Variants in C15orf40 observed in about 807,000 individuals in gnomAD.
The protein encoded by C15orf40 is chromosome 15 open reading frame 40.
C15orf40 carries 9 observed loss-of-function variants against 13.9 expected under a neutral mutation model. The ratio of observed to expected loss-of-function variants is 0.65; its 90% confidence interval spans 0.39 to 1.13. The LOEUF (loss-of-function observed/expected upper bound fraction) is 1.13. C15orf40 is among the 50% of genes most tolerant of loss of function. The pLI is 0.01. For synonymous variants in C15orf40, 95 were observed against 69.2 expected, an observed-to-expected ratio of 1.37 and a Z score of -1.85; for missense variants, 225 against 188.5, an observed-to-expected ratio of 1.19 and a Z score of -1.13.
chr15:82,995,921 G>A lies in C15orf40; in HGVS notation c.*9676C>T, dbSNP rs2031048917. 2 of 152,292 alleles carry A rather than the reference G, an allele frequency of 1.3e-5. No homozygotes were observed. The highest frequency in any genetic ancestry group is 4.8e-5 in the African/African-American group (2 of 41,478). 9.4% of individuals were successfully genotyped at this position (152,292 alleles called of 1,614,324 possible). The stretch of plus-strand genomic sequence containing the variant: ...GTCAGTCAGGTTCGTATATAAGAGT[G>A]AGTTATCTGTGGGCTGCTTAGGTGC... On this transcript the variant is annotated 3_prime_UTR_variant, in exon 4 of 4. Coordinates refer to ENST00000304177, the MANE Select transcript of C15orf40 (RefSeq NM_144597.3).
In C15orf40 at chr15:83,002,800, AT is replaced by A. The variant is rs113468748; in HGVS notation, c.*2796del. 200 of 149,198 alleles carry A rather than the reference AT, an allele frequency of 1.3e-3. No individual in the cohort carries two copies. The highest frequency in any genetic ancestry group is 6.3e-3 in the East Asian group (32 of 5,116). 9.2% of individuals were successfully genotyped at this position (149,198 alleles called of 1,614,324 possible). A position where few individuals can be genotyped will look rare whatever the true frequency, so the allele number is the denominator to read the frequency against. On this transcript the variant is annotated 3_prime_UTR_variant, in exon 4 of 4. Coordinates refer to ENST00000304177, the MANE Select transcript of C15orf40 (RefSeq NM_144597.3). ...GATTCAGGGGAAGGAAAGAAAGCTG[AT>A]TTTTTTTTTTCTTGAGACGGAGTCT...
In C15orf40 at chr15:83,011,198, C is replaced by T. The variant is rs2031988595; in HGVS notation, c.111+299G>A. ...CATGCCGCTGCGGGAACATGAATTG[C>T]TGGACTGGGAGTGCGGGTAGGAGGC... On this transcript the variant is annotated intron_variant, in intron 1 of 3. Coordinates refer to ENST00000304177, the MANE Select transcript of C15orf40 (RefSeq NM_144597.3). 9.3e-6 allele frequency: 3 copies of T among 321,234 alleles called. No homozygotes were observed. The South Asian group carries it at 2.8e-4, about 30-fold the overall frequency. 19.9% of individuals were successfully genotyped at this position (321,234 alleles called of 1,614,324 possible).
In C15orf40 at chr15:83,010,437, C is replaced by T. The variant is rs867645784; in HGVS notation, c.112-74G>A. The T allele has an allele frequency of 5.8e-6, 9 of 1,552,176 alleles. 1 individual carries two copies. Among genetic ancestry groups the T allele is most frequent in the Middle Eastern group, 1.7e-4 (1 of 5,906 alleles). ...ACATTTAATTTGATTCTTCCACTAC[C>T]CCCTTTCACCCTTAACAGACAAACT... On this transcript the variant is annotated intron_variant, in intron 1 of 3. Coordinates refer to ENST00000304177, the MANE Select transcript of C15orf40 (RefSeq NM_144597.3).
At position 82,999,669 on chromosome 15, in the gene C15orf40, C is replaced by T. The variant is rs1407480120; in HGVS notation, c.*5928G>A. ...CCCTTATTGTCCACAGTGCCCCAAT[C>T]CCCCTAGGCATCTCTGGGGAAACCT... On this transcript the variant is annotated 3_prime_UTR_variant, in exon 4 of 4. Transcript: ENST00000304177. 1.3e-5 allele frequency: 2 copies of T among 152,180 alleles called. No homozygotes were observed. The highest frequency in any genetic ancestry group is 4.8e-5 in the African/African-American group (2 of 41,428). The allele number at this position is 152,180 out of a possible 1,614,324, so 9.4% of individuals were successfully genotyped here. A position where few individuals can be genotyped will look rare whatever the true frequency, so the allele number is the denominator to read the frequency against.
intron 3 of C15orf40, among the ~76,000 whole-genome samples, chr15:83,006,763 G>A (rs117859721): frequency 3.4e-4 from 52 of 152,296 alleles, no homozygotes; most frequent in Non-Finnish European, 6.2e-4. Flanking sequence ...CGAAAACACC[G>A]TCCCAAAAGA....
At chr15:82,991,238 A>AT (rs1035455058), downstream of C15orf40, among the ~76,000 whole-genome samples, 22 of 152,248 alleles carry the variant, frequency 1.4e-4, no homozygotes, top group East Asian at 5.8e-4. Flanking sequence ...GTGACAAAAA[A>AT]ATATATATAT....
intron 2 of C15orf40, 57 bp from the exon 3 acceptor site, chr15:83,008,732 A>G: frequency 6.6e-7 from 1 of 1,518,524 alleles, no homozygotes; most frequent in East Asian, 2.3e-5. Flanking sequence ...TTCATGAAGC[A>G]AGGACATTTT....
At chr15:82,989,593 A>G (rs527890542), downstream of C15orf40, among the ~76,000 whole-genome samples, 42 of 152,350 alleles carry the variant, frequency 2.8e-4, no homozygotes, top group African/African-American at 1.0e-3. Context: ...ATAAATTACC[A>G]TACCATTTTT....
chr15:82,989,985 C>T (rs751514592), downstream of C15orf40: 186 of 1,603,108 alleles, frequency 1.2e-4, 2 homozygotes, highest in East Asian at 3.8e-3. Context: ...AACAACTACC[C>T]GCAACACAGA....
rs1245439264 is a variant in C15orf40, at chr15:82,996,928, G to A, written c.*8669C>T. 6.6e-6 allele frequency: 1 copy of A among 150,746 alleles called. No individual in the cohort carries two copies. The highest frequency in any genetic ancestry group is 2.4e-5 in the African/African-American group (1 of 41,248). The allele number at this position is 150,746 out of a possible 1,614,324, so 9.3% of individuals were successfully genotyped here. On this transcript the variant is annotated 3_prime_UTR_variant, in exon 4 of 4. Coordinates refer to ENST00000304177, the MANE Select transcript of C15orf40 (RefSeq NM_144597.3). ...AGCTACTTGGAAGGCTGAGGCAGGA[G>A]AATCGCTTGAACCTGGGAGGCGGAG...
At chr15:82,991,902 T>G (rs1188047484), downstream of C15orf40, 1 of 1,288,966 alleles carries the variant, frequency 7.8e-7, no homozygotes. Flanking sequence ...GAATCTTCTC[T>G]GAAAGCAGAA....
intron 2 of C15orf40, among the ~76,000 whole-genome samples, chr15:83,009,295 G>C (rs1393010429): frequency 6.6e-6 from 1 of 152,088 alleles, no homozygotes; most frequent in Non-Finnish European, 1.5e-5. Context: ...GAAGATATTA[G>C]TACCATTATT....
chr15:83,011,547 C>CGGAGCCCCGAGT lies in C15orf40; in HGVS notation c.49_60dup (p.Thr17_Ser20dup). ...GGCATCTCGGCGCAAAGAAGCCGAGCGGAGCCCCGAGTATTGGGTGTTGCC... is the reference window on the plus strand; with the variant it reads ...GGCATCTCGGCGCAAAGAAGCCGAGCGGAGCCCCGAGTGGAGCCCCGAGTATTGGGTGTTGCC... On this transcript the variant is annotated inframe_insertion, in exon 1 of 4. Coordinates refer to ENST00000304177, the MANE Select transcript of C15orf40 (RefSeq NM_144597.3). The CGGAGCCCCGAGT allele has an allele frequency of 6.2e-7, 1 of 1,606,614 alleles. No homozygotes were observed. The highest frequency in any genetic ancestry group is 1.1e-5 in the South Asian group (1 of 90,914).
downstream of C15orf40, among the ~76,000 whole-genome samples, chr15:82,989,408 T>C (rs2030761991): frequency 6.6e-6 from 1 of 152,258 alleles, no homozygotes; most frequent in Non-Finnish European, 1.5e-5. Flanking sequence ...TGTGTTTTTT[T>C]GTTTTTAGAT....
chr15:82,991,780 C>T (rs1029899564), downstream of C15orf40, among the ~76,000 whole-genome samples: 2 of 152,172 alleles, frequency 1.3e-5, no homozygotes, highest in Admixed American at 1.3e-4. Context: ...AAGGGTTTTC[C>T]CTGTAACCTC....
rs2031047036 is a variant in C15orf40 at position 82,995,904 on chromosome 15, G to C, written c.*9693C>G. On this transcript the variant is annotated 3_prime_UTR_variant, in exon 4 of 4. Transcript: ENST00000304177. ...CACATAATGGCTACCCAGTCAGTCA[G>C]GTTCGTATATAAGAGTGAGTTATCT... 1 of 152,288 alleles carries C rather than the reference G, an allele frequency of 6.6e-6. No individual in the cohort carries two copies. The highest frequency in any genetic ancestry group is 1.5e-5 in the Non-Finnish European group (1 of 68,088). 9.4% of individuals were successfully genotyped at this position (152,288 alleles called of 1,614,324 possible). A position where few individuals can be genotyped will look rare whatever the true frequency, so the allele number is the denominator to read the frequency against.
In C15orf40 at chr15:82,996,098, G is replaced by C. The variant is rs1394241882; in HGVS notation, c.*9499C>G. 1.3e-5 allele frequency: 2 copies of C among 152,218 alleles called. No homozygotes were observed. Among genetic ancestry groups the C allele is most frequent in the African/African-American group, 4.8e-5 (2 of 41,444 alleles). The allele number at this position is 152,218 out of a possible 1,614,324, so 9.4% of individuals were successfully genotyped here. A position where few individuals can be genotyped will look rare whatever the true frequency, so the allele number is the denominator to read the frequency against. The stretch of plus-strand genomic sequence containing the variant: ...TCACTCCTTTCCCTCAGGGACACGA[G>C]AGCCCTATGTATTAATTACCAGTTA... On this transcript the variant is annotated 3_prime_UTR_variant, in exon 4 of 4. Coordinates refer to ENST00000304177, the MANE Select transcript of C15orf40 (RefSeq NM_144597.3).
In C15orf40 at chr15:83,001,296, C is replaced by T; in HGVS notation, c.*4301G>A. On this transcript the variant is annotated 3_prime_UTR_variant, in exon 4 of 4. Transcript: ENST00000304177. ...GTCGAAGTACAGCATAGGCAAACCA[C>T]CTAGCAGTGTCTGTCAAGTAAGCAA... 1 of 985,452 alleles carries T rather than the reference C, an allele frequency of 1.0e-6. No homozygotes were observed. Among genetic ancestry groups the T allele is most frequent in the Non-Finnish European group, 1.2e-6 (1 of 829,934 alleles). 61.0% of individuals were successfully genotyped at this position (985,452 alleles called of 1,614,324 possible). A position where few individuals can be genotyped will look rare whatever the true frequency, so the allele number is the denominator to read the frequency against.
chr15:82,988,966 A>C (rs2030741539), downstream of C15orf40: 9 of 1,525,668 alleles, frequency 5.9e-6, no homozygotes, highest in Non-Finnish European at 7.9e-6. Context: ...GAGAGTGTTA[A>C]TTTTTAAATT....
Sources: gnomAD v4.1 joint callset for allele counts (sites outside exome capture counted in the v4.1 genomes callset) on GRCh38, gnomAD v4.1.1 for gene constraint, MANE v1.5 for transcripts, NCBI Gene and HGNC (gene_info 2026-07-23, HGNC 2026-07-21) for gene names.